The following PHACTR1 variants were observed in gnomAD, a reference collection of about 807,000 sequenced individuals.
PHACTR1 encodes the protein phosphatase and actin regulator 1.
PHACTR1 carries 16 observed loss-of-function variants against 69.2 expected under a neutral mutation model. The observed-to-expected ratio is 0.23, with a 90% CI of 0.16 to 0.35. The LOEUF (loss-of-function observed/expected upper bound fraction) is 0.35, where lower values mean the gene tolerates loss of function less well. Ranked by LOEUF, PHACTR1 falls within the 10% of genes least tolerant of loss-of-function variation. The pLI, the probability that PHACTR1 is intolerant of heterozygous loss-of-function variation, is 1.00. For synonymous variants in PHACTR1, 312 were observed against 284.5 expected (o/e 1.10, Z -0.97); for missense variants, 510 against 734.7 (o/e 0.69, Z 3.54).
At chr6:13,114,516 C>T (rs2127919608) in intron 5 of PHACTR1, among the ~76,000 whole-genome samples, 1 of 152,248 alleles carries the variant, frequency 6.6e-6, no homozygotes, top group Non-Finnish European at 1.5e-5. Flanking sequence ...AACAAATATA[C>T]ACATATACCA....
intron 4 of PHACTR1, among the ~76,000 whole-genome samples, chr6:12,768,783 T>A (rs4293998): frequency 1.3e-5 from 2 of 149,290 alleles, no homozygotes; most frequent in African/African-American, 5.0e-5. Context: ...CATCTACAGA[T>A]GAATGGATAA....
At chr6:13,217,426 T>A (rs1043425377) in intron 8 of PHACTR1, among the ~76,000 whole-genome samples, 1 of 152,164 alleles carries the variant, frequency 6.6e-6, no homozygotes, top group Non-Finnish European at 1.5e-5. Context: ...CAAAGTCAAG[T>A]AGAAAAGCCA....
intron 6 of PHACTR1, among the ~76,000 whole-genome samples, chr6:13,167,622 A>G (rs1346426274): frequency 2.6e-5 from 4 of 152,228 alleles, no homozygotes; most frequent in Non-Finnish European, 5.9e-5. Flanking sequence ...GAGGGCATGT[A>G]TCCTGCAAGG....
intron 5 of PHACTR1, among the ~76,000 whole-genome samples, chr6:13,148,208 C>T (rs1222575072): frequency 7.5e-6 from 1 of 133,968 alleles, no homozygotes; most frequent in African/African-American, 2.9e-5. Context: ...AATTTGCAAA[C>T]ATAAGAGAAG....
At chr6:13,097,693 C>A (rs1814501253) in intron 5 of PHACTR1, among the ~76,000 whole-genome samples, 1 of 152,170 alleles carries the variant, frequency 6.6e-6, no homozygotes, top group Admixed American at 6.5e-5. Flanking sequence ...AGTGGGGCCT[C>A]CATACCACTT....
chr6:13,182,678 A>G lies in PHACTR1; in HGVS notation c.656A>G (p.Asp219Gly). ...YEVLQPSDIMDGPDPGAPVKL... is the reference protein window; with the variant it reads ...YEVLQPSDIMGGPDPGAPVKL... ...GTGCTCCAACCGTCAGACATCATGG[A>G]TGGGCCAGGTAATGCCCCGGCAGGA... Residue 219 changes from aspartate (D) to glycine (G), a missense_variant, in exon 7 of 15, where the codon GAT (aspartate) becomes GGT (glycine). Physicochemically the swap from Asp to Gly is moderately conservative, Grantham distance 94. Around this residue, in one of 2 missense-constraint regions of PHACTR1, gnomAD observed 419 missense variants for 530.9 expected, o/e 0.79. Coordinates refer to ENST00000332995, the MANE Select transcript of PHACTR1 (RefSeq NM_030948.6). 1 of 1,553,156 alleles carries G rather than the reference A, an allele frequency of 6.4e-7. No individual in the cohort carries two copies. The highest frequency in any genetic ancestry group is 8.7e-7 in the Non-Finnish European group (1 of 1,152,348).
intron 4 of PHACTR1, among the ~76,000 whole-genome samples, chr6:12,836,864 G>A (rs536693217): frequency 6.6e-6 from 1 of 152,256 alleles, no homozygotes; most frequent in South Asian, 2.1e-4. Context: ...ACATCAGCTG[G>A]TTTAAAGGAC....
At chr6:12,769,985 C>T (rs1436471357) in intron 4 of PHACTR1, among the ~76,000 whole-genome samples, 1 of 152,172 alleles carries the variant, frequency 6.6e-6, no homozygotes, top group Non-Finnish European at 1.5e-5. Context: ...TCAGGAGGCA[C>T]ATAAAAGATG....
At chr6:12,932,015 C>A (rs1277554625) in intron 4 of PHACTR1, among the ~76,000 whole-genome samples, 2 of 152,002 alleles carry the variant, frequency 1.3e-5, no homozygotes, top group African/African-American at 2.4e-5. Context: ...AAAGCAGATT[C>A]TCAGGCCCAC....
chr6:12,887,780 T>C (rs574439100), intron 4 of PHACTR1, among the ~76,000 whole-genome samples: 1 of 152,166 alleles, frequency 6.6e-6, no homozygotes, highest in Non-Finnish European at 1.5e-5. Context: ...TCTATCATAG[T>C]AGTATTGGCC....
At chr6:12,991,363 C>T (rs1345824839) in intron 4 of PHACTR1, among the ~76,000 whole-genome samples, 1 of 152,128 alleles carries the variant, frequency 6.6e-6, no homozygotes, top group East Asian at 1.9e-4. Flanking sequence ...CTTGTGTCTC[C>T]ACAGGACTGC....
At chr6:12,870,565 C>T (rs1582198634) in intron 4 of PHACTR1, among the ~76,000 whole-genome samples, 1 of 152,204 alleles carries the variant, frequency 6.6e-6, no homozygotes, top group Non-Finnish European at 1.5e-5. Context: ...GTCTGTGTCT[C>T]TACATCAGGC....
intron 9 of PHACTR1, among the ~76,000 whole-genome samples, chr6:13,229,345 G>A (rs1163478584): frequency 6.6e-6 from 1 of 152,024 alleles, no homozygotes; most frequent in African/African-American, 2.4e-5. Context: ...GTGTTCCCTG[G>A]GGAGCAAAAT....
intron 4 of PHACTR1, among the ~76,000 whole-genome samples, chr6:12,838,220 C>T (rs150455147): frequency 1.4e-3 from 210 of 152,318 alleles, no homozygotes; most frequent in African/African-American, 4.5e-3. Context: ...ACAGTTCCTG[C>T]TCACACACAA....
intron 4 of PHACTR1, among the ~76,000 whole-genome samples, chr6:12,851,138 C>T (rs1779786859): frequency 6.6e-6 from 1 of 152,140 alleles, no homozygotes; most frequent in Admixed American, 6.5e-5. Context: ...TTATTGCAAA[C>T]TCATACAAAG....
intron 10 of PHACTR1, among the ~76,000 whole-genome samples, chr6:13,266,065 A>G (rs968691012): frequency 2.7e-4 from 41 of 151,980 alleles, no homozygotes; most frequent in African/African-American, 9.7e-4. Flanking sequence ...ATTCAAATTC[A>G]TGGTTTTCTT....
In PHACTR1 at chr6:13,283,458, A is replaced by C; in HGVS notation, c.1546A>C (p.Arg516=). The C allele has an allele frequency of 6.2e-7, 1 of 1,613,862 alleles. No individual in the cohort carries two copies. Among genetic ancestry groups the C allele is most frequent in the Non-Finnish European group, 8.5e-7 (1 of 1,179,816 alleles). ...QRPTVEELRE[R]KILIRFSDYV... is the part of the protein sequence containing the mutation. The stretch of plus-strand genomic sequence containing the variant: ...GCCCACGGTGGAAGAGCTTCGGGAA[A>C]GAAAGATCCTCATCCGCTTCAGTGA... Residue 516 remains arginine, a synonymous_variant, in exon 13 of 15, where the codon AGA becomes CGA. Coordinates refer to ENST00000332995, the MANE Select transcript of PHACTR1 (RefSeq NM_030948.6). The surrounding 1 kb of genome is among the most constrained non-coding windows in gnomAD (Gnocchi z 4.7).
intron 10 of PHACTR1, among the ~76,000 whole-genome samples, chr6:13,247,208 G>C (rs1773688308): frequency 6.6e-6 from 1 of 152,156 alleles, no homozygotes; most frequent in South Asian, 2.1e-4. Flanking sequence ...AGTGGGTGCA[G>C]ACAGGTCATC....
chr6:12,777,153 C>T (rs1243757311), intron 4 of PHACTR1, among the ~76,000 whole-genome samples: 2 of 151,920 alleles, frequency 1.3e-5, no homozygotes, highest in African/African-American at 2.4e-5. Context: ...TTATTCAATA[C>T]ATCAGCACTT....
Sources: gnomAD v4.1 joint callset for allele counts (sites outside exome capture counted in the v4.1 genomes callset) on GRCh38, gnomAD v4.1.1 for gene constraint, gnomAD v4.1.1 regional missense constraint, Gnocchi (gnomAD v3.1) non-coding constraint, MANE v1.5 for transcripts, NCBI Gene and HGNC (gene_info 2026-07-23, HGNC 2026-07-21) for gene names.